TGM5: variants seen among roughly 807,000 people sequenced by gnomAD.
TGM5 encodes protein-glutamine gamma-glutamyltransferase 5.
In TGM5, 69 loss-of-function variants were observed where a neutral mutation model predicts 77.2. That is an observed-to-expected ratio of 0.89 (90% CI 0.74 to 1.09). The LOEUF is 1.09. Among genes scored for constraint, TGM5 ranks in the 50% least tolerant of loss-of-function variants. TGM5 has a pLI of 0.00. For synonymous variants in TGM5, 346 were observed against 351.8 expected (o/e 0.98, Z 0.18); for missense variants, 842 against 896.5 (o/e 0.94, Z 0.78).
intron 6 of TGM5, among the ~76,000 whole-genome samples, chr15:43,244,403 T>C (rs537777516): frequency 1.3e-5 from 2 of 152,290 alleles, no homozygotes; most frequent in African/African-American, 4.8e-5. Context: ...CAGTTTGACA[T>C]GAGATTTAGG....
intron 3 of TGM5, 137 bp from the exon 4 acceptor site, chr15:43,256,823 G>T: frequency 1.4e-6 from 1 of 723,166 alleles, no homozygotes; most frequent in South Asian, 1.4e-5. Context: ...CGAGGCAGTG[G>T]GTCTTAGGGA....
At chr15:43,265,477 G>A (rs993149407) in intron 1 of TGM5, among the ~76,000 whole-genome samples, 1 of 152,180 alleles carries the variant, frequency 6.6e-6, no homozygotes, top group Non-Finnish European at 1.5e-5. Context: ...GGCAGCAAGC[G>A]CTGGGACAAA....
rs752378622 is a variant in TGM5 at position 43,238,850 on chromosome 15, C to T, written c.1312G>A (p.Asp438Asn). 2 of 1,614,130 alleles carry T rather than the reference C, an allele frequency of 1.2e-6. No individual in the cohort carries two copies. The highest frequency in any genetic ancestry group is 2.2e-5 in the East Asian group (1 of 44,880). The change falls in exon 9 of 13, where the codon GAT becomes AAT. Residue 438 changes from aspartate (D) to asparagine (N), a missense_variant. By Grantham distance (23) the Asp-to-Asn change is conservative (BLOSUM62 1). Coordinates refer to ENST00000220420, the MANE Select transcript of TGM5 (RefSeq NM_201631.4). Reference sequence around the variant, plus strand: ...TACTTGTAGTTCTCTGTGATGTCATCCCGCTCGTCACTCTGGATGCTCTTT... The same window carrying T: ...TACTTGTAGTTCTCTGTGATGTCATTCCGCTCGTCACTCTGGATGCTCTTT... ...STKSIQSDER[D>N]DITENYKYEE... is the part of the protein sequence containing the mutation.
rs1284815393 is a variant in TGM5 at position 43,232,897 on chromosome 15, C to G, written c.*294G>C. ...TCCATAGACATTTCCTACCTGTTCT[C>G]TGGATGCTGGAGTCTCCTATTCATT... is the stretch of plus-strand genomic sequence containing the variant. On this transcript the variant is annotated 3_prime_UTR_variant, in exon 13 of 13. Transcript: ENST00000220420. The G allele has an allele frequency of 2.5e-6, 1 of 405,164 alleles. No homozygotes were observed. Among genetic ancestry groups the G allele is most frequent in the African/African-American group, 2.0e-5 (1 of 49,042 alleles). 25.1% of individuals were successfully genotyped at this position (405,164 alleles called of 1,614,324 possible).
At chr15:43,235,859 C>T in intron 9 of TGM5, 22 bp from the exon 10 acceptor site, 2 of 1,612,742 alleles carry the variant, frequency 1.2e-6, no homozygotes, top group Non-Finnish European at 1.7e-6. Flanking sequence ...GAGAGCACAG[C>T]ACCAGCTGTG....
chr15:43,252,983 A>C lies in TGM5; in HGVS notation c.685-47T>G, dbSNP rs553354879. On this transcript the variant is annotated intron_variant, in intron 5 of 12. Transcript: ENST00000220420. ...AAGTGTTAGAAACATCCATTTCCTCAACATGCCATGTGTGGGCTGCCTTGG... is the reference window on the plus strand; with the variant it reads ...AAGTGTTAGAAACATCCATTTCCTCCACATGCCATGTGTGGGCTGCCTTGG... 5 of 1,600,132 alleles carry C rather than the reference A, an allele frequency of 3.1e-6. No individual in the cohort carries two copies. The African/African-American group carries it at 4.0e-5, about 13-fold the overall frequency.
In TGM5 at chr15:43,238,887, A is replaced by G. The variant is rs1314254802; in HGVS notation, c.1275T>C (p.Asn425=). ...TCTGGATGCTCTTTGTGCTGATAAA[A>G]TTGCCAACAGAACTCGTGTCCTGGT... ...KLHQDTSSVG[N]FISTKSIQSD... Residue 425 remains asparagine, a synonymous_variant, in exon 9 of 13, where the codon AAT becomes AAC. Transcript: ENST00000220420. 5 of 1,614,070 alleles carry G rather than the reference A, an allele frequency of 3.1e-6. No individual in the cohort carries two copies. The highest frequency in any genetic ancestry group is 1.7e-6 in the Non-Finnish European group (2 of 1,180,046).
chr15:43,239,899 C>G (rs1035716824), intron 7 of TGM5, among the ~76,000 whole-genome samples: 1 of 152,124 alleles, frequency 6.6e-6, no homozygotes, highest in African/African-American at 2.4e-5. Flanking sequence ...GAGGTAAGGC[C>G]GTCCTGTGGT....
chr15:43,235,396 C>T, intron 10 of TGM5, 73 bp downstream of exon 10: 1 of 1,607,688 alleles, frequency 6.2e-7, no homozygotes, highest in Non-Finnish European at 8.5e-7. Flanking sequence ...GCCCCCAGAA[C>T]CCTGTTGGCT....
At position 43,261,074 on chromosome 15, in the gene TGM5, GTGTTTTTTTTTTTTT is replaced by G. The variant is rs1467294672; in HGVS notation, c.11-510_11-496del. Among the ~76,000 whole-genome samples the G allele has an allele frequency of 1.6e-4, 12 of 73,876 alleles. 1 individual carries two copies. The highest frequency in any genetic ancestry group is 3.0e-4 in the Non-Finnish European group (11 of 36,318). The allele number at this position is 73,876 out of a possible 152,430, so 48.5% of individuals were successfully genotyped here. On this transcript the variant is annotated intron_variant, in intron 1 of 12. Transcript: ENST00000220420. ...AGCTGCTCTTCCTTTTTTTGTGTGT[GTGTTTTTTTTTTTTT>G]TTTTTTTTTTTTTTTTTTGAGACAG...
At chr15:43,243,807 C>T (rs2042654565) in intron 6 of TGM5, among the ~76,000 whole-genome samples, 1 of 152,186 alleles carries the variant, frequency 6.6e-6, no homozygotes, top group Non-Finnish European at 1.5e-5. Context: ...CTCGGTCTTC[C>T]TTTCTAGTCA....
intron 6 of TGM5, among the ~76,000 whole-genome samples, chr15:43,245,584 T>A (rs1229182067): frequency 1.3e-5 from 2 of 152,178 alleles, no homozygotes; most frequent in Non-Finnish European, 2.9e-5. Context: ...TCCGGTCTTC[T>A]AGCCTGCACT....
At chr15:43,259,421 G>C (rs1370758740) in intron 3 of TGM5, among the ~76,000 whole-genome samples, 1 of 150,738 alleles carries the variant, frequency 6.6e-6, no homozygotes. Context: ...TGCTCCGATA[G>C]GAAAATGTGC....
chr15:43,257,577 T>A (rs965367470), intron 3 of TGM5, among the ~76,000 whole-genome samples: 2 of 152,074 alleles, frequency 1.3e-5, no homozygotes, highest in African/African-American at 4.8e-5. Context: ...AAACTACATG[T>A]TGGGGGTGTG....
chr15:43,252,747 T>G lies in TGM5; in HGVS notation c.862+12A>C, dbSNP rs759799204. 92 of 1,613,100 alleles carry G rather than the reference T, an allele frequency of 5.7e-5. No individual in the cohort carries two copies. Among genetic ancestry groups the G allele is most frequent in the Non-Finnish European group, 7.2e-5 (85 of 1,180,014 alleles). ...CTTCTGACCTTTTTGTGGGGTCCTTTCTACCTCCTACCTGTGCACATGACG... is the reference window on the plus strand; with the variant it reads ...CTTCTGACCTTTTTGTGGGGTCCTTGCTACCTCCTACCTGTGCACATGACG... On this transcript the variant is annotated intron_variant, in intron 6 of 12. Transcript: ENST00000220420.
chr15:43,246,778 G>A (rs1000403886), intron 6 of TGM5, among the ~76,000 whole-genome samples: 5 of 152,148 alleles, frequency 3.3e-5, no homozygotes, highest in Non-Finnish European at 5.9e-5. Flanking sequence ...GCAAGCATGG[G>A]GATGAAATTC....
At position 43,234,749 on chromosome 15, in the gene TGM5, T is replaced by C. The variant is rs749350885; in HGVS notation, c.1875+20A>G. 1 of 1,614,004 alleles carries C rather than the reference T, an allele frequency of 6.2e-7. No individual in the cohort carries two copies. Among genetic ancestry groups the C allele is most frequent in the South Asian group, 1.1e-5 (1 of 91,076 alleles). ...CAGATCCAAGGAGCCCCACAAGCCA[T>C]TTGCAGGACTCCTGCCTACATTAAT... On this transcript the variant is annotated intron_variant, in intron 11 of 12. Coordinates refer to ENST00000220420, the MANE Select transcript of TGM5 (RefSeq NM_201631.4).
At chr15:43,261,060 CTTTTTTTGTGTGTGTGTTTTTT>C (rs2042782641) in intron 1 of TGM5, among the ~76,000 whole-genome samples, 1 of 90,600 alleles carries the variant, frequency 1.1e-5, no homozygotes, top group African/African-American at 6.3e-5. Flanking sequence ...GCTGCTCTTC[CTTTTTTTGTGTGTGTGTTTTTT>C]TTTTTTTTTT....
chr15:43,258,390 T>C (rs2042758928), intron 3 of TGM5, among the ~76,000 whole-genome samples: 1 of 152,040 alleles, frequency 6.6e-6, no homozygotes, highest in South Asian at 2.1e-4. Context: ...GAACCTAAAA[T>C]AAAGGTTAAA....
Sources: gnomAD v4.1 joint callset for allele counts (sites outside exome capture counted in the v4.1 genomes callset) on GRCh38, gnomAD v4.1.1 for gene constraint, MANE v1.5 for transcripts, NCBI Gene and HGNC (gene_info 2026-07-23, HGNC 2026-07-21) for gene names.